TJP1: variants seen among roughly 807,000 people sequenced by gnomAD.
TJP1 encodes tight junction protein ZO-1.
In TJP1, 43 loss-of-function variants were observed where a neutral mutation model predicts 194.2. The ratio of observed to expected loss-of-function variants is 0.22; its 90% CI spans 0.17 to 0.29. The LOEUF is 0.29. Among genes scored for constraint, TJP1 ranks in the 10% least tolerant of loss-of-function variants. TJP1 has a pLI of 1.00. For missense variants in TJP1, 1,971 were observed against 2,185.7 expected (o/e 0.90, Z 1.96); for synonymous variants, 801 against 779.0 (o/e 1.03, Z -0.47).
upstream of TJP1, chr15:29,824,108 AAAAAAAAAAT>A (rs56718030): frequency 3.7e-3 from 500 of 133,524 alleles, 78 homozygotes; most frequent in East Asian, 0.019. Context: ...AAAAAAAAAA[AAAAAAAAAAT>A]GGTGGCCAGG....
intron 2 of TJP1, among the ~76,000 whole-genome samples, chr15:29,938,740 T>A (rs73371182): frequency 0.059 from 8,947 of 152,306 alleles, 781 homozygotes; most frequent in African/African-American, 0.19. Context: ...GGAAAGATTA[T>A]CCCACTTTCA....
chr15:29,765,338 G>T (rs2046266757), intron 5 of TJP1, among the ~76,000 whole-genome samples: 1 of 152,090 alleles, frequency 6.6e-6, no homozygotes, highest in Non-Finnish European at 1.5e-5. Context: ...TATGCCAAGT[G>T]GTAAAGCAGA....
chr15:29,862,355 T>A (rs1343821068), intron 2 of TJP1, among the ~76,000 whole-genome samples: 2 of 152,168 alleles, frequency 1.3e-5, no homozygotes, highest in Non-Finnish European at 2.9e-5. Context: ...TCAGGACTAA[T>A]CACAGAAATA....
At chr15:29,863,921 T>G (rs1227251957) in intron 2 of TJP1, among the ~76,000 whole-genome samples, 2 of 152,184 alleles carry the variant, frequency 1.3e-5, no homozygotes, top group Non-Finnish European at 2.9e-5. Flanking sequence ...AGCTGTGTTT[T>G]CTTTCCTGCT....
intron 8 of TJP1, among the ~76,000 whole-genome samples, chr15:29,751,223 G>GTA (rs1566954194): frequency 2.0e-5 from 3 of 152,210 alleles, no homozygotes; most frequent in African/African-American, 7.2e-5. Flanking sequence ...TGCCCAGGAA[G>GTA]TATGCTGAGA....
intron 18 of TJP1, among the ~76,000 whole-genome samples, chr15:29,723,310 G>T (rs772269150): frequency 5.9e-5 from 9 of 152,122 alleles, no homozygotes; most frequent in Non-Finnish European, 1.2e-4. Flanking sequence ...GTTTCTAATG[G>T]TTTAGCACCA....
intron 10 of TJP1, among the ~76,000 whole-genome samples, chr15:29,738,682 C>T (rs1426185383): frequency 6.6e-6 from 1 of 151,872 alleles, no homozygotes; most frequent in African/African-American, 2.4e-5. Context: ...GATTCCTCTC[C>T]TAAACCCATT....
intron 2 of TJP1, among the ~76,000 whole-genome samples, chr15:29,896,342 G>A (rs993188739): frequency 6.6e-6 from 1 of 152,162 alleles, no homozygotes; most frequent in Non-Finnish European, 1.5e-5. Flanking sequence ...CTCTTGTCTT[G>A]CTACCATGTG....
intron 5 of TJP1, among the ~76,000 whole-genome samples, chr15:29,763,762 C>T (rs1018242532): frequency 6.5e-5 from 5 of 76,766 alleles, no homozygotes; most frequent in East Asian, 5.5e-4. Flanking sequence ...AGTGAGACTC[C>T]GTCTCAAAAA....
intron 8 of TJP1, 59 bp from the exon 9 acceptor site, chr15:29,742,840 A>C (rs926134606): frequency 6.7e-7 from 1 of 1,489,216 alleles, no homozygotes. Flanking sequence ...AAGCATCTGT[A>C]AGAGAACAGT....
chr15:29,750,003 C>T (rs1401662179), intron 8 of TJP1, among the ~76,000 whole-genome samples: 3 of 149,382 alleles, frequency 2.0e-5, no homozygotes, highest in Non-Finnish European at 4.4e-5. Context: ...CCACTGTGTC[C>T]GGCTAATTTT....
chr15:29,835,125 A>G (rs1370562358), intron 2 of TJP1, among the ~76,000 whole-genome samples: 1 of 152,164 alleles, frequency 6.6e-6, no homozygotes, highest in East Asian at 1.9e-4. Context: ...ACTTTCAGTG[A>G]TCTAGGTTAA....
intron 2 of TJP1, among the ~76,000 whole-genome samples, chr15:29,949,355 T>TCCATCACCTCCA (rs1567224655): frequency 4.2e-5 from 3 of 70,854 alleles, no homozygotes; most frequent in Non-Finnish European, 6.4e-5. Flanking sequence ...CACCACCACC[T>TCCATCACCTCCA]CCACCACAAC....
intron 2 of TJP1, among the ~76,000 whole-genome samples, chr15:29,839,028 TG>T (rs2051134165): frequency 7.8e-6 from 1 of 127,742 alleles, no homozygotes; most frequent in Non-Finnish European, 1.6e-5. Context: ...AGACGGAGTC[TG>T]GCTCTGTCAC....
intron 2 of TJP1, among the ~76,000 whole-genome samples, chr15:29,795,842 G>C (rs1250315088): frequency 2.6e-5 from 4 of 151,972 alleles, no homozygotes; most frequent in Admixed American, 6.6e-5. Context: ...GGAATGCAAG[G>C]CTGTTCAACA....
intron 2 of TJP1, among the ~76,000 whole-genome samples, chr15:29,910,279 C>T (rs566254180): frequency 2.0e-4 from 30 of 152,302 alleles, no homozygotes; most frequent in African/African-American, 6.7e-4. Flanking sequence ...TCACTTTCTC[C>T]TTTAACATCA....
At chr15:29,711,746 G>C (rs2042256774) in intron 23 of TJP1, among the ~76,000 whole-genome samples, 1 of 152,158 alleles carries the variant, frequency 6.6e-6, no homozygotes, top group South Asian at 2.1e-4. Context: ...ACTAGGGGTT[G>C]GCAAACTTTT....
At chr15:29,925,851 A>G (rs566822169) in intron 2 of TJP1, among the ~76,000 whole-genome samples, 1 of 152,306 alleles carries the variant, frequency 6.6e-6, no homozygotes, top group South Asian at 2.1e-4. Context: ...TCACAGAGAG[A>G]AAGATAAAAA....
intron 2 of TJP1, among the ~76,000 whole-genome samples, chr15:29,948,371 C>A (rs2055357436): frequency 6.6e-6 from 1 of 151,884 alleles, no homozygotes; most frequent in African/African-American, 2.4e-5. Context: ...AATACCATGT[C>A]TTTTATCTTT....
Sources: gnomAD v4.1 joint callset for allele counts (sites outside exome capture counted in the v4.1 genomes callset) on GRCh38, gnomAD v4.1.1 for gene constraint, MANE v1.5 for transcripts, NCBI Gene and HGNC (gene_info 2026-07-23, HGNC 2026-07-21) for gene names.